Variants in TMEFF1 observed in about 807,000 individuals in gnomAD.
TMEFF1 encodes the protein transmembrane protein with EGF like and two follistatin like domains 1.
A neutral mutation model predicts 47.5 loss-of-function variants in TMEFF1; 20 were observed. That is an observed-to-expected ratio of 0.42 (90% CI 0.30 to 0.61). The LOEUF is 0.61. TMEFF1 is among the 20% of genes least tolerant of loss of function. The pLI is 0.19. For missense variants in TMEFF1, 411 were observed against 471.1 expected, an observed-to-expected ratio of 0.87 and a Z score of 1.18; for synonymous variants, 162 against 166.3, an observed-to-expected ratio of 0.97 and a Z score of 0.20.
chr9:100,514,855 C>T lies in TMEFF1; in HGVS notation c.463+1522C>T, dbSNP rs924226201. 9.3e-4 allele frequency among the ~76,000 whole-genome samples: 142 copies of T among 151,998 alleles called. 2 individuals carry two copies. The highest frequency in any genetic ancestry group is 5.2e-4 in the Admixed American group (8 of 15,282). The stretch of plus-strand genomic sequence containing the variant: ...ACTAAAAATGCAAAAATTAGCCAGG[C>T]GTGGTGGTGGGCGCCTGTAATCCCA... On this transcript the variant is annotated intron_variant, in intron 4 of 9. Coordinates refer to ENST00000374879, the MANE Select transcript of TMEFF1 (RefSeq NM_003692.5).
intron 2 of TMEFF1, among the ~76,000 whole-genome samples, chr9:100,501,378 T>G (rs1488109159): frequency 6.6e-6 from 1 of 152,200 alleles, no homozygotes; most frequent in Admixed American, 6.5e-5. Flanking sequence ...TTATTTGCAT[T>G]TGATTACTAG....
chr9:100,573,247 A>G (rs1160573841), intron 9 of TMEFF1, among the ~76,000 whole-genome samples: 4 of 152,318 alleles, frequency 2.6e-5, no homozygotes, highest in East Asian at 1.9e-4. Context: ...CACAGTTAGT[A>G]TAGTAAGAAA....
In TMEFF1 at chr9:100,521,461, A is replaced by G. The variant is rs1838158660; in HGVS notation, c.560+4690A>G. On this transcript the variant is annotated intron_variant, in intron 5 of 9. Coordinates refer to ENST00000374879, the MANE Select transcript of TMEFF1 (RefSeq NM_003692.5). ...CACTGTGACCACTGTGAAACAGTGCATAGACTTCCTACTGGGTCTTAAAAC... is the reference window on the plus strand; with the variant it reads ...CACTGTGACCACTGTGAAACAGTGCGTAGACTTCCTACTGGGTCTTAAAAC... Among the ~76,000 whole-genome samples, 4 of 152,214 alleles carry G rather than the reference A, an allele frequency of 2.6e-5. No homozygotes were observed. The South Asian group carries it at 8.3e-4, about 31-fold the overall frequency.
At chr9:100,491,945 A>G (rs1837559421) in intron 1 of TMEFF1, among the ~76,000 whole-genome samples, 1 of 148,978 alleles carries the variant, frequency 6.7e-6, no homozygotes, top group African/African-American at 2.5e-5. Context: ...CAGTGGCACG[A>G]TCTTACTCAC....
At chr9:100,554,350 A>G (rs149526558) in intron 7 of TMEFF1, among the ~76,000 whole-genome samples, 6 of 152,288 alleles carry the variant, frequency 3.9e-5, no homozygotes, top group East Asian at 1.9e-4. Context: ...GTGGAGAGTC[A>G]TATAGAGGAT....
intron 5 of TMEFF1, among the ~76,000 whole-genome samples, chr9:100,540,495 C>T (rs1838608404): frequency 6.6e-6 from 1 of 152,158 alleles, no homozygotes; most frequent in African/African-American, 2.4e-5. Context: ...CAAGTGCCCA[C>T]CCGTGCCTCC....
chr9:100,572,688 T>A lies in TMEFF1; in HGVS notation c.1058+12T>A. ...ATGTGCATAACAAGGTAGGTAATGA[T>A]GTAAGAAATATCAACTTTAAATTAG... On this transcript the variant is annotated intron_variant, in intron 9 of 9. Coordinates refer to ENST00000374879, the MANE Select transcript of TMEFF1 (RefSeq NM_003692.5). 1 of 1,590,164 alleles carries A rather than the reference T, an allele frequency of 6.3e-7. No homozygotes were observed. The highest frequency in any genetic ancestry group is 8.6e-7 in the Non-Finnish European group (1 of 1,168,978).
At chr9:100,546,224 C>T (rs1267911637) in intron 5 of TMEFF1, among the ~76,000 whole-genome samples, 1 of 152,146 alleles carries the variant, frequency 6.6e-6, no homozygotes, top group East Asian at 1.9e-4. Context: ...TTTAACTGGA[C>T]TCACAGTTCC....
chr9:100,483,037 A>T (rs1837370338), intron 1 of TMEFF1, among the ~76,000 whole-genome samples: 2 of 151,634 alleles, frequency 1.3e-5, no homozygotes, highest in African/African-American at 4.9e-5. Context: ...TAAATTCTTT[A>T]GGTGGATATA....
intron 5 of TMEFF1, among the ~76,000 whole-genome samples, chr9:100,522,476 C>T (rs376142288): frequency 2.1e-4 from 22 of 106,036 alleles, no homozygotes; most frequent in Middle Eastern, 0.014. Context: ...TTTGCTCTGT[C>T]GCCCAGGCCG....
At chr9:100,529,958 T>A (rs1838344401) in intron 5 of TMEFF1, among the ~76,000 whole-genome samples, 1 of 151,990 alleles carries the variant, frequency 6.6e-6, no homozygotes, top group African/African-American at 2.4e-5. Context: ...ACCGATCAAC[T>A]ACATGGAAAC....
At chr9:100,565,678 C>G (rs757376000) in intron 8 of TMEFF1, among the ~76,000 whole-genome samples, 1 of 152,192 alleles carries the variant, frequency 6.6e-6, no homozygotes, top group African/African-American at 2.4e-5. Context: ...TCCAAGTTCA[C>G]TGAGAAAATG....
intron 9 of TMEFF1, 96 bp from the exon 10 acceptor site, chr9:100,576,420 A>T (rs1314284318): frequency 1.4e-6 from 2 of 1,469,614 alleles, no homozygotes; most frequent in East Asian, 4.8e-5. Context: ...ATGTGGCTTT[A>T]TGTGCAAAAT....
At chr9:100,535,696 G>A (rs564806693) in intron 5 of TMEFF1, among the ~76,000 whole-genome samples, 1 of 152,290 alleles carries the variant, frequency 6.6e-6, no homozygotes, top group East Asian at 1.9e-4. Context: ...CCTGGGAGGC[G>A]GAGGTTGCAG....
intron 5 of TMEFF1, among the ~76,000 whole-genome samples, 162 bp from the exon 6 acceptor site, chr9:100,547,581 AT>A (rs1838759896): frequency 6.6e-6 from 1 of 152,140 alleles, no homozygotes; most frequent in Non-Finnish European, 1.5e-5. Context: ...CTCACCTAAA[AT>A]TTTTTTAGGT....
At chr9:100,485,710 A>G (rs1234268393) in intron 1 of TMEFF1, among the ~76,000 whole-genome samples, 6 of 150,812 alleles carry the variant, frequency 4.0e-5, no homozygotes, top group Non-Finnish European at 7.4e-5. Context: ...TAACTTAACT[A>G]TTTTCTTTAT....
At chr9:100,533,652 CT>C (rs1011984178) in intron 5 of TMEFF1, among the ~76,000 whole-genome samples, 4 of 151,664 alleles carry the variant, frequency 2.6e-5, no homozygotes, top group Non-Finnish European at 4.4e-5. Flanking sequence ...TTTTTATTGG[CT>C]TTTTTTTCTG....
chr9:100,498,389 G>A (rs532487481), intron 1 of TMEFF1, among the ~76,000 whole-genome samples: 1 of 152,028 alleles, frequency 6.6e-6, no homozygotes, highest in South Asian at 2.1e-4. Context: ...ATTCTCATTA[G>A]CCTTAAAAGT....
At chr9:100,485,920 A>G (rs1315520199) in intron 1 of TMEFF1, among the ~76,000 whole-genome samples, 1 of 152,206 alleles carries the variant, frequency 6.6e-6, no homozygotes, top group Admixed American at 6.5e-5. Flanking sequence ...TCCATGGCTC[A>G]GCAGCCTTGT....
Sources: allele counts gnomAD v4.1 joint callset (sites outside exome capture counted in the v4.1 genomes callset), GRCh38; gene constraint gnomAD v4.1.1; transcripts MANE v1.5; gene names NCBI Gene and HGNC (gene_info 2026-07-23, HGNC 2026-07-21).